Variants in LRRC37A2 observed in about 807,000 individuals in gnomAD.
LRRC37A2 encodes the protein leucine-rich repeat-containing protein 37A2.
LRRC37A2 carries 9 observed loss-of-function variants against 68.8 expected under a neutral mutation model. That is an observed-to-expected ratio of 0.13 (90% CI 0.08 to 0.23). The LOEUF (loss-of-function observed/expected upper bound fraction) is 0.23. LRRC37A2 is among the 10% of genes least tolerant of loss of function. The pLI is 1.00. For missense variants in LRRC37A2, 168 were observed against 950.4 expected, an observed-to-expected ratio of 0.18 and a Z score of 10.82; for synonymous variants, 63 against 367.6, an observed-to-expected ratio of 0.17 and a Z score of 9.48.
chr17:46,505,153 C>T, the LRRC37A2 span, among the ~76,000 whole-genome samples: 3 of 90,118 alleles, frequency 3.3e-5, no homozygotes, highest in Admixed American at 1.1e-4. Context: ...AGGATGGTCT[C>T]GATCTCCTGA....
the LRRC37A2 span, among the ~76,000 whole-genome samples, chr17:46,898,113 C>T: frequency 6.6e-6 from 1 of 152,156 alleles, no homozygotes; most frequent in African/African-American, 2.4e-5. Context: ...CTGGCCCATC[C>T]TAATTGCATC....
chr17:46,845,433 T>A, the LRRC37A2 span, among the ~76,000 whole-genome samples: 1 of 151,636 alleles, frequency 6.6e-6, no homozygotes, highest in African/African-American at 2.4e-5. Context: ...GACATATATG[T>A]CACCTGACAT....
chr17:46,924,545 C>T, the LRRC37A2 span: 1 of 152,174 alleles, frequency 6.6e-6, no homozygotes, highest in Admixed American at 6.5e-5. Context: ...ATCACACTCC[C>T]AAGGCCTGGA....
chr17:46,878,566 G>C, the LRRC37A2 span, among the ~76,000 whole-genome samples: 1 of 152,198 alleles, frequency 6.6e-6, no homozygotes, highest in Non-Finnish European at 1.5e-5. Context: ...TGGGGAGAGG[G>C]CTGGTTTTCT....
the LRRC37A2 span, chr17:46,964,454 T>C: frequency 6.6e-6 from 1 of 152,210 alleles, no homozygotes; most frequent in Non-Finnish European, 1.5e-5. Flanking sequence ...GAACAGAACA[T>C]GGCCTAGGAG....
the LRRC37A2 span, among the ~76,000 whole-genome samples, chr17:47,009,340 A>C: frequency 2.6e-5 from 4 of 152,182 alleles, no homozygotes; most frequent in Non-Finnish European, 4.4e-5. Flanking sequence ...TGTGGCATCC[A>C]TCTGTCCTCT....
At chr17:46,780,567 T>C in the LRRC37A2 span, among the ~76,000 whole-genome samples, 1 of 151,946 alleles carries the variant, frequency 6.6e-6, no homozygotes, top group Non-Finnish European at 1.5e-5. Context: ...GGCGGGAGGA[T>C]CACGAGGTCA....
chr17:46,821,710 T>C, the LRRC37A2 span, among the ~76,000 whole-genome samples: 1 of 152,080 alleles, frequency 6.6e-6, no homozygotes, highest in Non-Finnish European at 1.5e-5. Flanking sequence ...TTTTGTTGTG[T>C]GTGTGAATGT....
the LRRC37A2 span, among the ~76,000 whole-genome samples, chr17:46,754,236 A>C: frequency 6.9e-6 from 1 of 144,026 alleles, no homozygotes; most frequent in Non-Finnish European, 1.5e-5. Flanking sequence ...TTTGTTAGCT[A>C]TTCACACTTT....
the LRRC37A2 span, among the ~76,000 whole-genome samples, chr17:46,909,350 G>A: frequency 0.64 from 98,044 of 152,096 alleles, 31,867 homozygotes; most frequent in Non-Finnish European, 0.67. Flanking sequence ...TATTTAATAT[G>A]AGCCATGTAT....
the LRRC37A2 span, among the ~76,000 whole-genome samples, chr17:46,622,608 C>T: frequency 6.9e-6 from 1 of 145,420 alleles, no homozygotes; most frequent in Admixed American, 6.8e-5. Flanking sequence ...CGTGATGAAA[C>T]CCCCGACTCT....
the LRRC37A2 span, among the ~76,000 whole-genome samples, chr17:46,908,121 C>T: frequency 6.6e-6 from 1 of 152,076 alleles, no homozygotes; most frequent in Non-Finnish European, 1.5e-5. Context: ...TGCTATGGCC[C>T]TGCTGTTTGA....
the LRRC37A2 span, among the ~76,000 whole-genome samples, chr17:46,853,363 CTT>C: frequency 1.2e-3 from 98 of 78,896 alleles, no homozygotes; most frequent in African/African-American, 4.6e-3. Flanking sequence ...ATGCTAGTGA[CTT>C]TTTTTTTTTT....
the LRRC37A2 span, among the ~76,000 whole-genome samples, chr17:47,025,387 A>C: frequency 1.3e-5 from 2 of 152,338 alleles, no homozygotes; most frequent in East Asian, 1.9e-4. Flanking sequence ...TTAACATTTA[A>C]ATATTAAAAA....
the LRRC37A2 span, among the ~76,000 whole-genome samples, chr17:46,969,873 C>A: frequency 1.3e-5 from 2 of 152,184 alleles, no homozygotes; most frequent in African/African-American, 2.4e-5. Flanking sequence ...CCCTTGCCCC[C>A]TCTCTGGTGC....
chr17:46,851,430 G>T, the LRRC37A2 span, among the ~76,000 whole-genome samples: 2 of 149,196 alleles, frequency 1.3e-5, no homozygotes, highest in African/African-American at 4.9e-5. The surrounding 1 kb of genome is among the most constrained non-coding windows in gnomAD (Gnocchi z 4.3). Flanking sequence ...AGGGGCGGCT[G>T]CCCCACCCGC....
At chr17:46,503,013 T>C in the LRRC37A2 span, among the ~76,000 whole-genome samples, 12,413 of 138,954 alleles carry the variant, frequency 0.089, 4 homozygotes, top group Middle Eastern at 0.14. Flanking sequence ...GAGATGGAGA[T>C]CATCCTGGCT....
At chr17:46,779,053 TCACACA>T in the LRRC37A2 span, among the ~76,000 whole-genome samples, 313 of 100,662 alleles carry the variant, frequency 3.1e-3, 4 homozygotes, top group Middle Eastern at 0.014. Context: ...CCCTACCCCA[TCACACA>T]CACACACACA....
At chr17:46,550,352 A>T (rs1403094109) in intron 10 of LRRC37A2, 63 bp from the exon 10 acceptor site, 1 of 487,274 alleles carries the variant, frequency 2.1e-6, no homozygotes, top group Non-Finnish European at 3.7e-6. Context: ...CTCACCTGGA[A>T]TACTGGGGTT....
Sources: allele counts gnomAD v4.1 joint callset (sites outside exome capture counted in the v4.1 genomes callset), GRCh38; gene constraint gnomAD v4.1.1; non-coding constraint Gnocchi (gnomAD v3.1); transcripts MANE v1.5; gene names NCBI Gene and HGNC (gene_info 2026-07-23, HGNC 2026-07-21).